Variants in CACNA2D1 observed in about 807,000 individuals in gnomAD.
The protein encoded by CACNA2D1 is voltage-dependent calcium channel subunit alpha-2/delta-1.
A neutral mutation model predicts 171.5 loss-of-function variants in CACNA2D1; 53 were observed. The ratio of observed to expected loss-of-function variants is 0.31; its 90% CI spans 0.25 to 0.39. CACNA2D1 has a LOEUF of 0.39. CACNA2D1 is among the 10% of genes least tolerant of loss of function. The pLI is 1.00. For missense variants in CACNA2D1, 903 were observed against 1,299.8 expected (o/e 0.69, Z 4.69); for synonymous variants, 442 against 443.1 (o/e 1.00, Z 0.03).
At chr7:82,277,745 C>CTTTTTTTTTTTTTTTTTTTTT (rs1186719410) in intron 3 of CACNA2D1, among the ~76,000 whole-genome samples, 1 of 142,094 alleles carries the variant, frequency 7.0e-6, no homozygotes, top group Non-Finnish European at 1.5e-5. Flanking sequence ...TAATTTTTTA[C>CTTTTTTTTTTTTTTTTTTTTT]TTTTATTTTT....
intron 3 of CACNA2D1, among the ~76,000 whole-genome samples, chr7:82,244,105 T>C (rs569528492): frequency 3.9e-5 from 6 of 152,222 alleles, no homozygotes; most frequent in African/African-American, 1.4e-4. Flanking sequence ...ATGAGATAAT[T>C]TGTGGGTTTT....
At chr7:81,984,574 T>C in intron 22 of CACNA2D1, 61 bp downstream of exon 22, 1 of 918,360 alleles carries the variant, frequency 1.1e-6, no homozygotes, top group Non-Finnish European at 1.8e-6. Context: ...TCTAGACGTA[T>C]TTAAACATCT....
chr7:82,273,522 T>C (rs1366549197), intron 3 of CACNA2D1, among the ~76,000 whole-genome samples: 1 of 152,042 alleles, frequency 6.6e-6, no homozygotes, highest in Non-Finnish European at 1.5e-5. Context: ...TCTTGCTATG[T>C]TGCCTGGGCT....
At chr7:82,039,796 A>G (rs1398986278) in intron 10 of CACNA2D1, among the ~76,000 whole-genome samples, 10 of 152,318 alleles carry the variant, frequency 6.6e-5, no homozygotes. Context: ...AGGCCCTCAC[A>G]TGGAGACAAA....
intron 3 of CACNA2D1, among the ~76,000 whole-genome samples, chr7:82,306,717 G>A (rs1813781832): frequency 6.6e-6 from 1 of 152,068 alleles, no homozygotes; most frequent in Non-Finnish European, 1.5e-5. Context: ...TTATATCCAT[G>A]GTGTGCTAAA....
intron 1 of CACNA2D1, among the ~76,000 whole-genome samples, chr7:82,422,695 A>G (rs1828817033): frequency 6.6e-6 from 1 of 152,122 alleles, no homozygotes; most frequent in Non-Finnish European, 1.5e-5. Flanking sequence ...GTGTATAGTG[A>G]CAGATATAAT....
chr7:82,312,513 T>A (rs1313575139), intron 3 of CACNA2D1, among the ~76,000 whole-genome samples: 9 of 146,022 alleles, frequency 6.2e-5, no homozygotes, highest in African/African-American at 2.1e-4. Flanking sequence ...CTGAAACTTT[T>A]TTTTTTTTTT....
At chr7:82,235,616 T>A (rs553484737) in intron 3 of CACNA2D1, among the ~76,000 whole-genome samples, 3 of 152,302 alleles carry the variant, frequency 2.0e-5, no homozygotes, top group African/African-American at 7.2e-5. Flanking sequence ...TTTAACAATA[T>A]TGATGCAAGT....
intron 1 of CACNA2D1, among the ~76,000 whole-genome samples, chr7:82,359,742 A>C (rs1041099939): frequency 6.6e-6 from 1 of 152,192 alleles, no homozygotes; most frequent in African/African-American, 2.4e-5. Context: ...ATACTGTTTT[A>C]TATCAGTGTT....
intron 1 of CACNA2D1, among the ~76,000 whole-genome samples, chr7:82,415,260 A>G (rs558733684): frequency 6.6e-6 from 1 of 152,278 alleles, no homozygotes; most frequent in African/African-American, 2.4e-5. Context: ...ATGGCCTGGC[A>G]TGGTGGCTCA....
intron 6 of CACNA2D1, among the ~76,000 whole-genome samples, chr7:82,109,225 C>T (rs1341001028): frequency 6.8e-6 from 1 of 148,010 alleles, no homozygotes; most frequent in Non-Finnish European, 1.5e-5. Context: ...ATTAAAGAAC[C>T]CTTTTTTTTG....
At chr7:82,176,398 T>C (rs1206977156) in intron 3 of CACNA2D1, among the ~76,000 whole-genome samples, 1 of 152,028 alleles carries the variant, frequency 6.6e-6, no homozygotes, top group African/African-American at 2.4e-5. Context: ...TTCTAACAAT[T>C]TGTTATATCC....
chr7:81,953,537 GTAAC>G (rs1792848405), intron 38 of CACNA2D1, among the ~76,000 whole-genome samples: 1 of 149,242 alleles, frequency 6.7e-6, no homozygotes, highest in Non-Finnish European at 1.5e-5. Context: ...CAGGGTACCA[GTAAC>G]AATTGAATAT....
At position 82,355,369 on chromosome 7, in the gene CACNA2D1, T is replaced by C. The variant is rs144764553; in HGVS notation, c.96-5720A>G. Among the ~76,000 whole-genome samples, 712 of 152,252 alleles carry C rather than the reference T, an allele frequency of 4.7e-3. 4 individuals are homozygous for C. The highest frequency in any genetic ancestry group is 0.017 in the African/African-American group (690 of 41,556). On this transcript the variant is annotated intron_variant, in intron 1 of 38. Transcript: ENST00000356860. ...GAGAAAATACACAGAATTTTTCAAA[T>C]ATGCAGTGGCAAGAACACACTTAAC...
At chr7:82,443,228 G>T in intron 1 of CACNA2D1, 137 bp downstream of exon 1, 1 of 762,632 alleles carries the variant, frequency 1.3e-6, no homozygotes, top group Non-Finnish European at 1.9e-6. Context: ...CGGCGTCTCC[G>T]CATCCGAGCC....
intron 4 of CACNA2D1, among the ~76,000 whole-genome samples, chr7:82,142,454 G>C (rs533338563): frequency 6.6e-6 from 1 of 152,152 alleles, no homozygotes; most frequent in Non-Finnish European, 1.5e-5. Context: ...ACAAATGTGG[G>C]CCTCTGATGA....
intron 4 of CACNA2D1, among the ~76,000 whole-genome samples, chr7:82,137,166 G>A (rs1273991095): frequency 6.6e-6 from 1 of 152,026 alleles, no homozygotes; most frequent in African/African-American, 2.4e-5. Flanking sequence ...TGAGCACCAG[G>A]GAATTCAGAT....
chr7:82,324,881 T>C (rs1001590372), intron 3 of CACNA2D1, among the ~76,000 whole-genome samples: 9 of 152,212 alleles, frequency 5.9e-5, no homozygotes, highest in African/African-American at 1.7e-4. Flanking sequence ...AACAGTAAAA[T>C]AGACACTCAC....
intron 1 of CACNA2D1, among the ~76,000 whole-genome samples, chr7:82,427,168 C>T (rs895944981): frequency 2.0e-5 from 3 of 152,122 alleles, no homozygotes; most frequent in Non-Finnish European, 4.4e-5. Context: ...CAAAAAGAAG[C>T]TTGGTGCCAT....
Sources: allele counts gnomAD v4.1 joint callset (sites outside exome capture counted in the v4.1 genomes callset), GRCh38; gene constraint gnomAD v4.1.1; transcripts MANE v1.5; gene names NCBI Gene and HGNC (gene_info 2026-07-23, HGNC 2026-07-21).